Variants in VPS13B observed in about 807,000 individuals in gnomAD.
The protein encoded by VPS13B is vacuolar protein sorting 13 homolog B, also known as intermembrane lipid transfer protein VPS13B.
A neutral mutation model predicts 426.4 loss-of-function variants in VPS13B; 285 were observed. That is an observed-to-expected ratio of 0.67 (90% CI 0.61 to 0.74). The LOEUF is 0.74. VPS13B is among the 30% of genes least tolerant of loss of function. The pLI is 0.00. For missense variants in VPS13B, 4,537 were observed against 4,782.6 expected (o/e 0.95, Z 1.51); for synonymous variants, 1,676 against 1,676.4 (o/e 1.00, Z 0.01).
chr8:99,844,978 C>T (rs1356723561), intron 54 of VPS13B, among the ~76,000 whole-genome samples: 1 of 152,188 alleles, frequency 6.6e-6, no homozygotes, highest in East Asian at 1.9e-4. Context: ...TTTCAGACCT[C>T]ATCTTCTAGA....
At chr8:99,442,779 A>T in intron 23 of VPS13B, 144 bp downstream of exon 23, 1 of 748,228 alleles carries the variant, frequency 1.3e-6, no homozygotes. Flanking sequence ...GAACTAAGTG[A>T]TGCCATTTAT....
chr8:99,716,422 C>T (rs1431014010), intron 36 of VPS13B, among the ~76,000 whole-genome samples: 1 of 152,008 alleles, frequency 6.6e-6, no homozygotes, highest in South Asian at 2.1e-4. Flanking sequence ...ATATGAGCTC[C>T]TTGGGAGGAA....
rs1831653797 is a variant in VPS13B, at chr8:99,691,369, T to C, written c.6047-8156T>C. ...TTGTATGCTATTGAAAGGTAATTTT[T>C]GTGGCATGTGAGTTATATGTCAATA... On this transcript the variant is annotated intron_variant, in intron 35 of 61. Coordinates refer to ENST00000357162, the MANE Select transcript of VPS13B (RefSeq NM_152564.5). Among the ~76,000 whole-genome samples the C allele has an allele frequency of 2.0e-5, 3 of 152,206 alleles. No individual in the cohort carries two copies. In the South Asian group the frequency reaches 6.2e-4, roughly 32 times the overall value.
chr8:99,469,187 T>G (rs1177393416), intron 24 of VPS13B, among the ~76,000 whole-genome samples: 1 of 130,978 alleles, frequency 7.6e-6, no homozygotes, highest in South Asian at 2.2e-4. Context: ...TTTTTTTTTT[T>G]GACACAGGGT....
At chr8:99,775,627 G>T (rs935801666) in intron 40 of VPS13B, among the ~76,000 whole-genome samples, 4 of 152,182 alleles carry the variant, frequency 2.6e-5, no homozygotes, top group Non-Finnish European at 5.9e-5. Context: ...GCTGGGATTG[G>T]TGGCTCATGC....
chr8:99,224,458 A>G (rs1382751977), intron 17 of VPS13B, among the ~76,000 whole-genome samples: 1 of 152,162 alleles, frequency 6.6e-6, no homozygotes, highest in Non-Finnish European at 1.5e-5. Context: ...AGGAATGCAC[A>G]TTTTAGGATT....
rs150713892 is a variant in VPS13B at position 99,871,522 on chromosome 8, A to G, written c.11570A>G (p.Gln3857Arg). The G allele has an allele frequency of 9.3e-6, 15 of 1,614,122 alleles. No individual in the cohort carries two copies. Among genetic ancestry groups the G allele is most frequent in the Non-Finnish European group, 1.3e-5 (15 of 1,180,046 alleles). ...GTGGTTCTGGTGAGGGGCTCAGGCC[A>G]GGAGCATGAAGGGTGCTTGCTGCTG... ...LDVVLVRGSG[Q>R]EHEGCLLLTS... Residue 3857 changes from glutamine to arginine, a missense_variant, in exon 61 of 62, where the codon CAG becomes CGG. This residue lies in a region of VPS13B where 4,311 missense variants were observed against 4,474.3 expected (regional missense o/e 0.96). Coordinates refer to ENST00000357162, the MANE Select transcript of VPS13B (RefSeq NM_152564.5).
At chr8:99,214,813 A>G (rs1815297165) in intron 17 of VPS13B, among the ~76,000 whole-genome samples, 1 of 152,204 alleles carries the variant, frequency 6.6e-6, no homozygotes, top group African/African-American at 2.4e-5. Context: ...TGTGACAAGT[A>G]CTACCAGCCC....
intron 45 of VPS13B, 104 bp downstream of exon 45, chr8:99,817,907 A>T (rs185102012): frequency 3.4e-5 from 53 of 1,553,112 alleles, no homozygotes; most frequent in Non-Finnish European, 4.5e-5. Context: ...AGTGACATAT[A>T]AAAAAGGGGA....
chr8:99,131,108 T>A (rs1809772593), intron 8 of VPS13B, among the ~76,000 whole-genome samples: 1 of 152,302 alleles, frequency 6.6e-6, no homozygotes, highest in African/African-American at 2.4e-5. Flanking sequence ...GCTGAATACC[T>A]TTTTTAAAAA....
At chr8:99,190,119 G>A (rs1428639358) in intron 16 of VPS13B, among the ~76,000 whole-genome samples, 2 of 151,998 alleles carry the variant, frequency 1.3e-5, no homozygotes, top group African/African-American at 4.8e-5. Context: ...GATGTGTAGT[G>A]CCTACAAACT....
At chr8:99,654,537 G>A (rs1362807178) in intron 34 of VPS13B, among the ~76,000 whole-genome samples, 3 of 152,126 alleles carry the variant, frequency 2.0e-5, no homozygotes, top group Non-Finnish European at 2.9e-5. Context: ...ATAGAAAAAT[G>A]TATGAAACTC....
At chr8:99,043,686 C>CT (rs1028713909) in intron 3 of VPS13B, among the ~76,000 whole-genome samples, 37 of 150,118 alleles carry the variant, frequency 2.5e-4, no homozygotes, top group Non-Finnish European at 3.9e-4. Context: ...GGTTCACAGA[C>CT]TTTTTTTTTT....
At chr8:99,204,942 T>G (rs1299830335) in intron 17 of VPS13B, among the ~76,000 whole-genome samples, 1 of 152,220 alleles carries the variant, frequency 6.6e-6, no homozygotes, top group South Asian at 2.1e-4. Flanking sequence ...TGGAAGATAG[T>G]GTGGCAATTC....
In VPS13B at chr8:99,832,618, C is replaced by T. The variant is rs954379850; in HGVS notation, c.9580C>T (p.Leu3194Phe). ...TCCCAGACAGAGTGTGGCAGTACCC[C>T]TCGGGAATTTCCGGGAAAATGGATT... ...EFPRQSVAVPLGNFRENGFCT... is the reference protein window; with the variant it reads ...EFPRQSVAVPFGNFRENGFCT... Residue 3194 changes from leucine to phenylalanine, a missense_variant, in exon 52 of 62, where the codon CTC (leucine) becomes TTC (phenylalanine). Leu to Phe is a conservative substitution (Grantham distance 22, BLOSUM62 0). Transcript: ENST00000357162. 2 of 1,613,818 alleles carry T rather than the reference C, an allele frequency of 1.2e-6. No homozygotes were observed. The highest frequency in any genetic ancestry group is 2.2e-5 in the South Asian group (2 of 91,062).
chr8:99,349,557 TAAAC>T (rs1811758581), intron 19 of VPS13B, among the ~76,000 whole-genome samples: 1 of 152,106 alleles, frequency 6.6e-6, no homozygotes, highest in Non-Finnish European at 1.5e-5. Flanking sequence ...GAGTTTTAGA[TAAAC>T]AACAAATAAT....
chr8:99,661,338 A>T lies in VPS13B; in HGVS notation c.5909-16A>T, dbSNP rs1830216474. 3.7e-6 allele frequency: 6 copies of T among 1,613,200 alleles called. No individual in the cohort carries two copies. Among genetic ancestry groups the T allele is most frequent in the African/African-American group, 1.3e-5 (1 of 74,882 alleles). ...TGATGTAACTGATGTTTTTAATTTC[A>T]ATTTTGTCACTTTAGATCCTGGGAA... On this transcript the variant is annotated splice_polypyrimidine_tract_variant and intron_variant, in intron 34 of 61. Coordinates refer to ENST00000357162, the MANE Select transcript of VPS13B (RefSeq NM_152564.5).
At chr8:99,507,959 C>G (rs1372773326) in intron 28 of VPS13B, 2 of 1,612,602 alleles carry the variant, frequency 1.2e-6, no homozygotes, top group Non-Finnish European at 1.7e-6. Flanking sequence ...TTAACAGGAA[C>G]CCAGAGAAGG....
intron 33 of VPS13B, among the ~76,000 whole-genome samples, chr8:99,592,293 C>A (rs1378198613): frequency 6.6e-6 from 1 of 152,004 alleles, no homozygotes; most frequent in Non-Finnish European, 1.5e-5. Context: ...TTTGTCATTA[C>A]CAGCTTTCTG....
Sources: gnomAD v4.1 joint callset for allele counts (sites outside exome capture counted in the v4.1 genomes callset) on GRCh38, gnomAD v4.1.1 for gene constraint, gnomAD v4.1.1 regional missense constraint, MANE v1.5 for transcripts, NCBI Gene and HGNC (gene_info 2026-07-23, HGNC 2026-07-21) for gene names.